TFCP2: variants seen among roughly 807,000 people sequenced by gnomAD.
TFCP2 encodes the protein alpha-globin transcription factor CP2.
Under a neutral mutation model 73.4 loss-of-function variants are expected in TFCP2, and 33 were observed. That is an observed-to-expected ratio of 0.45 (90% CI 0.34 to 0.60). The LOEUF is 0.60. Among genes scored for constraint, TFCP2 ranks in the 20% least tolerant of loss-of-function variants. The pLI is 0.01. For synonymous variants in TFCP2, 193 were observed against 211.6 expected (o/e 0.91, Z 0.76); for missense variants, 352 against 604.0 (o/e 0.58, Z 4.37).
At chr12:51,109,853 G>A (rs1037788306) in intron 5 of TFCP2, among the ~76,000 whole-genome samples, 1 of 151,904 alleles carries the variant, frequency 6.6e-6, no homozygotes, top group African/African-American at 2.4e-5. Flanking sequence ...CAAATAGCTG[G>A]GATTACAGGC....
chr12:51,100,834 A>G (rs1940094293), intron 11 of TFCP2, among the ~76,000 whole-genome samples: 2 of 152,156 alleles, frequency 1.3e-5, no homozygotes, highest in Admixed American at 6.5e-5. Flanking sequence ...CCCCAAAACA[A>G]AAGCAAACCA....
intron 1 of TFCP2, among the ~76,000 whole-genome samples, chr12:51,166,313 CA>C (rs1240723091): frequency 6.7e-6 from 1 of 149,820 alleles, no homozygotes; most frequent in Non-Finnish European, 1.5e-5. Flanking sequence ...AACTCCATCT[CA>C]AAAAATAATA....
At chr12:51,149,024 C>CAAAAAAAAAAAAAAAAAAAAAAAAAAA (rs60318954) in intron 1 of TFCP2, among the ~76,000 whole-genome samples, 10 of 38,016 alleles carry the variant, frequency 2.6e-4, no homozygotes, top group South Asian at 1.9e-3. Context: ...GACTCCATCT[C>CAAAAAAAAAAAAAAAAAAAAAAAAAAA]AAAAAAAAAA....
In TFCP2 at chr12:51,101,924, T is replaced by C. The variant is rs1371118273; in HGVS notation, c.1151+11A>G. On this transcript the variant is annotated intron_variant, in intron 11 of 14. Transcript: ENST00000257915. ...CCCAACCTTATTGATATTTTAACACTAATTACATACCGGCCTTTTAATGCA... is the reference window on the plus strand; with the variant it reads ...CCCAACCTTATTGATATTTTAACACCAATTACATACCGGCCTTTTAATGCA... The C allele has an allele frequency of 2.5e-6, 4 of 1,578,532 alleles. No homozygotes were observed. The highest frequency in any genetic ancestry group is 1.3e-5 in the African/African-American group (1 of 74,266).
intron 12 of TFCP2, 97 bp from the exon 13 acceptor site, chr12:51,099,015 G>A (rs554981502): frequency 1.5e-6 from 2 of 1,309,068 alleles, no homozygotes; most frequent in South Asian, 2.8e-5. Context: ...GAAGGACTCA[G>A]AAATCACACT....
At chr12:51,133,448 G>T (rs1940996224) in intron 1 of TFCP2, among the ~76,000 whole-genome samples, 1 of 152,136 alleles carries the variant, frequency 6.6e-6, no homozygotes, top group Non-Finnish European at 1.5e-5. Flanking sequence ...GGAACTACAG[G>T]TGTGTGCCAC....
rs370931920 is a variant in TFCP2 at position 51,096,715 on chromosome 12, TA to T, written c.1420-676del. Among the ~76,000 whole-genome samples, 5 of 152,322 alleles carry T rather than the reference TA, an allele frequency of 3.3e-5. No individual in the cohort carries two copies. The East Asian group carries it at 7.7e-4, about 24-fold the overall frequency. ...TAATTTCTGGTATATAATTCTGAAGTATAATCTAATGACATTGTCATTACAA... is the reference window on the plus strand; with the variant it reads ...TAATTTCTGGTATATAATTCTGAAGTTAATCTAATGACATTGTCATTACAA... On this transcript the variant is annotated intron_variant, in intron 13 of 14. Transcript: ENST00000257915.
At chr12:51,110,517 G>T (rs550187777) in intron 5 of TFCP2, among the ~76,000 whole-genome samples, 8 of 152,136 alleles carry the variant, frequency 5.3e-5, no homozygotes, top group African/African-American at 1.9e-4. Context: ...GTAGTGAGCC[G>T]AGATTGCACC....
intron 1 of TFCP2, among the ~76,000 whole-genome samples, chr12:51,171,245 C>T (rs1007446122): frequency 5.9e-5 from 9 of 152,198 alleles, no homozygotes; most frequent in Admixed American, 5.2e-4. Flanking sequence ...CCCTAAGATG[C>T]AGCTGTTTCA....
chr12:51,172,260 T>C, intron 1 of TFCP2, 41 bp downstream of exon 1: 6 of 1,609,380 alleles, frequency 3.7e-6, no homozygotes, highest in Non-Finnish European at 5.1e-6. Context: ...TATCCGCCTT[T>C]GTTATTCAGA....
At chr12:51,171,580 G>T (rs553816252) in intron 1 of TFCP2, among the ~76,000 whole-genome samples, 1 of 152,032 alleles carries the variant, frequency 6.6e-6, no homozygotes, top group Admixed American at 6.6e-5. Context: ...GTTTCACCAC[G>T]TTGGCCACGA....
chr12:51,111,803 G>A lies in TFCP2; in HGVS notation c.458-820C>T, dbSNP rs574034205. ...TGGGAGGTGGAGGTTGCAGTGAGCC[G>A]GAGATCGAGCCACTGCACTCCAGCC... On this transcript the variant is annotated intron_variant, in intron 4 of 14. Coordinates refer to ENST00000257915, the MANE Select transcript of TFCP2 (RefSeq NM_005653.5). 2.2e-3 allele frequency among the ~76,000 whole-genome samples: 331 copies of A among 150,418 alleles called. 1 individual carries two copies. The highest frequency in any genetic ancestry group is 7.8e-3 in the African/African-American group (319 of 40,960).
At chr12:51,115,904 G>A (rs1347784190) in intron 4 of TFCP2, among the ~76,000 whole-genome samples, 1 of 152,218 alleles carries the variant, frequency 6.6e-6, no homozygotes, top group African/African-American at 2.4e-5. Flanking sequence ...GGAGAATGGG[G>A]AGTTGTTGTT....
chr12:51,165,609 G>C (rs1024240458), intron 1 of TFCP2, among the ~76,000 whole-genome samples: 17 of 152,242 alleles, frequency 1.1e-4, no homozygotes, highest in African/African-American at 4.1e-4. Flanking sequence ...AGTGGGGGGA[G>C]ATGGGAAGTT....
intron 1 of TFCP2, among the ~76,000 whole-genome samples, chr12:51,140,478 G>A (rs1315770142): frequency 7.5e-6 from 1 of 132,548 alleles, no homozygotes; most frequent in African/African-American, 2.9e-5. Context: ...TAGAGGTGGG[G>A]TCTCAAAATG....
intron 1 of TFCP2, among the ~76,000 whole-genome samples, chr12:51,135,343 C>T (rs1328394383): frequency 1.3e-5 from 2 of 151,880 alleles, no homozygotes; most frequent in African/African-American, 4.8e-5. Context: ...AGGAGAATTG[C>T]TTGAACCTGG....
At chr12:51,095,763 G>C (rs112422759) in intron 14 of TFCP2, among the ~76,000 whole-genome samples, 1 of 135,152 alleles carries the variant, frequency 7.4e-6, no homozygotes, top group African/African-American at 2.7e-5. Flanking sequence ...GTAGTGAGCC[G>C]AGATCATGCC....
At chr12:51,166,754 G>T (rs984720815) in intron 1 of TFCP2, among the ~76,000 whole-genome samples, 2 of 152,106 alleles carry the variant, frequency 1.3e-5, no homozygotes, top group Non-Finnish European at 2.9e-5. Flanking sequence ...ATACTGCCAA[G>T]CCCTATTTTC....
At chr12:51,115,420 G>A (rs371362198) in intron 4 of TFCP2, among the ~76,000 whole-genome samples, 5 of 151,994 alleles carry the variant, frequency 3.3e-5, no homozygotes, top group African/African-American at 4.8e-5. Context: ...GCGCCCGGCC[G>A]AAATTGGAAC....
Sources: gnomAD v4.1 joint callset for allele counts (sites outside exome capture counted in the v4.1 genomes callset) on GRCh38, gnomAD v4.1.1 for gene constraint, MANE v1.5 for transcripts, NCBI Gene and HGNC (gene_info 2026-07-23, HGNC 2026-07-21) for gene names.